PLCB1: variants seen among roughly 807,000 people sequenced by gnomAD.
The protein encoded by PLCB1 is 1-phosphatidylinositol 4,5-bisphosphate phosphodiesterase beta-1.
A neutral mutation model predicts 161.8 loss-of-function variants in PLCB1; 46 were observed. The ratio of observed to expected loss-of-function variants is 0.28; its 90% CI spans 0.22 to 0.36. The LOEUF (loss-of-function observed/expected upper bound fraction) is 0.36. PLCB1 is among the 10% of genes least tolerant of loss of function. The pLI is 1.00. For missense variants in PLCB1, 1,016 were observed against 1,472.5 expected (o/e 0.69, Z 5.07); for synonymous variants, 517 against 503.7 (o/e 1.03, Z -0.35).
chr20:8,413,442 AGT>A (rs1568666454), intron 3 of PLCB1, among the ~76,000 whole-genome samples: 1 of 152,216 alleles, frequency 6.6e-6, no homozygotes, highest in Non-Finnish European at 1.5e-5. Context: ...TCAAGTTGTC[AGT>A]GCAAGTAAAG....
At chr20:8,368,557 G>GA (rs1165415471) in intron 2 of PLCB1, among the ~76,000 whole-genome samples, 18 of 140,580 alleles carry the variant, frequency 1.3e-4, no homozygotes, top group Admixed American at 1.1e-3. Context: ...AAAAGAAAAA[G>GA]AAAAAATAAA....
intron 16 of PLCB1, 121 bp from the exon 17 acceptor site, chr20:8,727,188 G>T (rs1979983973): frequency 5.6e-6 from 3 of 538,540 alleles, no homozygotes. Flanking sequence ...AAATTACATT[G>T]AGGATTATTT....
chr20:8,457,459 T>C (rs1418192239), intron 3 of PLCB1, among the ~76,000 whole-genome samples: 1 of 152,146 alleles, frequency 6.6e-6, no homozygotes, highest in Non-Finnish European at 1.5e-5. Context: ...CCACTGCCAA[T>C]GTTTAGGCCT....
chr20:8,272,704 C>G (rs1270162992), intron 2 of PLCB1, among the ~76,000 whole-genome samples: 1 of 152,124 alleles, frequency 6.6e-6, no homozygotes, highest in Non-Finnish European at 1.5e-5. Flanking sequence ...AGGAAATGTC[C>G]TCGCACCAAA....
At position 8,501,489 on chromosome 20, in the gene PLCB1, A is replaced by T. The variant is rs767633015; in HGVS notation, c.247-126805A>T. Among the ~76,000 whole-genome samples, 80 of 152,222 alleles carry T rather than the reference A, an allele frequency of 5.3e-4. 2 individuals carry two copies. The highest frequency in any genetic ancestry group is 5.7e-4 in the Non-Finnish European group (39 of 67,994). ...CAGGTCACCTCCATTGTGCCTTCCC[A>T]TGAGGGCTTGCTCAACCCTCTCCCA... is the stretch of plus-strand genomic sequence containing the variant. On this transcript the variant is annotated intron_variant, in intron 3 of 31. Transcript: ENST00000338037.
intron 2 of PLCB1, among the ~76,000 whole-genome samples, chr20:8,356,497 G>A (rs911847010): frequency 1.3e-5 from 2 of 152,120 alleles, no homozygotes; most frequent in Non-Finnish European, 2.9e-5. Flanking sequence ...GCTGAAGAAG[G>A]TAAGGAGGAA....
intron 3 of PLCB1, among the ~76,000 whole-genome samples, chr20:8,375,887 A>G (rs928264015): frequency 2.0e-5 from 3 of 151,342 alleles, no homozygotes; most frequent in Admixed American, 1.3e-4. Context: ...CTGATGTTGA[A>G]TAAGTTTACA....
At chr20:8,605,036 A>G (rs1312040292) in intron 3 of PLCB1, among the ~76,000 whole-genome samples, 1 of 152,104 alleles carries the variant, frequency 6.6e-6, no homozygotes, top group African/African-American at 2.4e-5. Flanking sequence ...GTAACATTTT[A>G]TTTTACTGTA....
intron 3 of PLCB1, among the ~76,000 whole-genome samples, chr20:8,384,504 C>G (rs1425187438): frequency 6.6e-6 from 1 of 152,030 alleles, no homozygotes. Context: ...TATTATCCAT[C>G]TTCTGAAGCC....
At chr20:8,291,649 T>C (rs1983388643) in intron 2 of PLCB1, among the ~76,000 whole-genome samples, 1 of 152,196 alleles carries the variant, frequency 6.6e-6, no homozygotes, top group South Asian at 2.1e-4. Context: ...CACATTTTCA[T>C]TTTTGTTTTA....
intron 25 of PLCB1, among the ~76,000 whole-genome samples, chr20:8,762,734 C>T (rs534771751): frequency 6.6e-6 from 1 of 152,060 alleles, no homozygotes; most frequent in East Asian, 1.9e-4. Flanking sequence ...CAAAAGAGAT[C>T]GAATGTCAGG....
rs1466453138 is a variant in PLCB1, at chr20:8,629,881, C to G, written c.384+1450C>G. On this transcript the variant is annotated intron_variant, in intron 4 of 31. Transcript: ENST00000338037. Reference sequence around the variant, plus strand: ...TCTTTCTTTCTTTCTTTCTTTCTCTCTCTCTTTCTTTTCTTTCTTTCTTTC... The same window carrying G: ...TCTTTCTTTCTTTCTTTCTTTCTCTGTCTCTTTCTTTTCTTTCTTTCTTTC... Among the ~76,000 whole-genome samples the G allele has an allele frequency of 6.8e-5, 8 of 117,288 alleles. 1 individual carries two copies. The highest frequency in any genetic ancestry group is 2.4e-4 in the African/African-American group (7 of 29,664). 76.9% of individuals were successfully genotyped at this position (117,288 alleles called of 152,430 possible). A position where few individuals can be genotyped will look rare whatever the true frequency, so the allele number is the denominator to read the frequency against.
chr20:8,222,724 G>T (rs920893236), intron 2 of PLCB1, among the ~76,000 whole-genome samples: 1 of 151,776 alleles, frequency 6.6e-6, no homozygotes, highest in African/African-American at 2.4e-5. Flanking sequence ...TTTTTATGTT[G>T]CCCTATTTTA....
At position 8,528,029 on chromosome 20, in the gene PLCB1, TGTG is replaced by T. The variant is rs758375779; in HGVS notation, c.247-100262_247-100260del. ...ACAATATAAAATAAATGTCTAATAA[TGTG>T]GTAACAATGACGTAATTGATGATGC... On this transcript the variant is annotated intron_variant, in intron 3 of 31. Coordinates refer to ENST00000338037, the MANE Select transcript of PLCB1 (RefSeq NM_015192.4). 7.6e-4 allele frequency among the ~76,000 whole-genome samples: 116 copies of T among 152,200 alleles called. 1 individual carries two copies. The highest frequency in any genetic ancestry group is 1.4e-3 in the Non-Finnish European group (93 of 67,966).
In PLCB1 at chr20:8,303,682, A is replaced by G. The variant is rs535136162; in HGVS notation, c.178-67700A>G. ...GACACTTTTCTTCCTTAGTAAAATC[A>G]GCAGGCACTTCCAGGTGGCTGAAAT... On this transcript the variant is annotated intron_variant, in intron 2 of 31. Transcript: ENST00000338037. Among the ~76,000 whole-genome samples the G allele has an allele frequency of 1.6e-3, 243 of 152,340 alleles. 1 individual carries two copies. Among genetic ancestry groups the G allele is most frequent in the South Asian group, 4.1e-3 (20 of 4,832 alleles).
intron 31 of PLCB1, among the ~76,000 whole-genome samples, chr20:8,877,918 A>C (rs937763006): frequency 4.6e-5 from 7 of 152,226 alleles, no homozygotes; most frequent in African/African-American, 1.7e-4. Context: ...AAAGTCTACT[A>C]CAGTTATAAC....
Position 8,132,803 on chromosome 20 carries a change from C to G in PLCB1, c.99+53C>G. ...GCGCTGGCTCGGGCACCGGGCAGGG[C>G]GGGCGTCGTGGGGGTGGGGCAAGGG... On this transcript the variant is annotated intron_variant, in intron 1 of 31. Transcript: ENST00000338037. The surrounding 1 kb of genome is among the most constrained non-coding windows in gnomAD (Gnocchi z 5.2). 3.3e-6 allele frequency: 4 copies of G among 1,197,172 alleles called. No individual in the cohort carries two copies. Among genetic ancestry groups the G allele is most frequent in the Non-Finnish European group, 4.9e-6 (4 of 813,914 alleles). The allele number at this position is 1,197,172 out of a possible 1,614,324, so 74.2% of individuals were successfully genotyped here. A position where few individuals can be genotyped will look rare whatever the true frequency, so the allele number is the denominator to read the frequency against.
At chr20:8,769,061 A>G (rs1405441026) in intron 26 of PLCB1, among the ~76,000 whole-genome samples, 2 of 152,196 alleles carry the variant, frequency 1.3e-5, no homozygotes, top group African/African-American at 4.8e-5. Flanking sequence ...TCAAAGTTGA[A>G]TAATTAGGGA....
At chr20:8,763,060 C>T (rs746786376) in intron 25 of PLCB1, among the ~76,000 whole-genome samples, 42 of 152,142 alleles carry the variant, frequency 2.8e-4, no homozygotes, top group Non-Finnish European at 5.3e-4. Context: ...AAGCATCCTA[C>T]GTTCATGTAT....
Sources: gnomAD v4.1 joint callset for allele counts (sites outside exome capture counted in the v4.1 genomes callset) on GRCh38, gnomAD v4.1.1 for gene constraint, Gnocchi (gnomAD v3.1) non-coding constraint, MANE v1.5 for transcripts, NCBI Gene and HGNC (gene_info 2026-07-23, HGNC 2026-07-21) for gene names.